CEP83: variants seen among roughly 807,000 people sequenced by gnomAD.
CEP83 encodes the protein centrosomal protein 83.
A neutral mutation model predicts 101.9 loss-of-function variants in CEP83; 70 were observed. The ratio of observed to expected loss-of-function variants is 0.69; its 90% CI spans 0.57 to 0.84. The LOEUF (loss-of-function observed/expected upper bound fraction) is 0.84. Among genes scored for constraint, CEP83 ranks in the 40% least tolerant of loss-of-function variants. The pLI is 0.00. For missense variants in CEP83, 715 were observed against 787.2 expected, an observed-to-expected ratio of 0.91 and a Z score of 1.10; for synonymous variants, 264 against 267.9, an observed-to-expected ratio of 0.99 and a Z score of 0.14.
At chr12:94,378,244 G>GC (rs2061654554) in intron 7 of CEP83, among the ~76,000 whole-genome samples, 2 of 152,186 alleles carry the variant, frequency 1.3e-5, no homozygotes, top group African/African-American at 4.8e-5. Flanking sequence ...ATACCCGTAG[G>GC]AGTACCAGTC....
At chr12:94,369,878 G>T in intron 9 of CEP83, 44 bp downstream of exon 9, 1 of 1,004,486 alleles carries the variant, frequency 1.0e-6, no homozygotes, top group Non-Finnish European at 1.5e-6. Flanking sequence ...GTTCATATCT[G>T]AAAATAAGCA....
chr12:94,345,880 A>T (rs760833729), intron 11 of CEP83, among the ~76,000 whole-genome samples: 1 of 152,176 alleles, frequency 6.6e-6, no homozygotes, highest in Admixed American at 6.5e-5. Context: ...AAGTCTCCAA[A>T]AAAGACTCAA....
At chr12:94,385,417 G>T (rs535873225) in intron 6 of CEP83, among the ~76,000 whole-genome samples, 47 of 152,254 alleles carry the variant, frequency 3.1e-4, no homozygotes, top group African/African-American at 1.1e-3. Flanking sequence ...ACTGCCAGTT[G>T]AGAGTGGATG....
the CEP83 span, among the ~76,000 whole-genome samples, chr12:94,276,151 T>C: frequency 6.6e-6 from 1 of 152,210 alleles, no homozygotes; most frequent in African/African-American, 2.4e-5. Context: ...TAGGTAGTAA[T>C]AGAATGCTGT....
rs181671638 is a variant in CEP83, at chr12:94,452,708, T to C, written c.-155+6849A>G. On this transcript the variant is annotated intron_variant, in intron 1 of 16. Coordinates refer to ENST00000397809, the MANE Select transcript of CEP83 (RefSeq NM_016122.3). ...GAAAAGGCAGGAATTTTGGTGGATC[T>C]TGAAGGATGAAAGAATATGACGGGG... is the stretch of plus-strand genomic sequence containing the variant. Among the ~76,000 whole-genome samples the C allele has an allele frequency of 8.3e-4, 126 of 152,286 alleles. 1 individual carries two copies. Among genetic ancestry groups the C allele is most frequent in the Admixed American group, 2.0e-3 (30 of 15,302 alleles).
Position 94,412,516 on chromosome 12 carries a change from C to T in CEP83, c.-26G>A. ...GTAAAAATAAGTTTTGGCTTTCTTACTGTTTTAGTTTTCTTTCCAAGGGTA... is the reference window on the plus strand; with the variant it reads ...GTAAAAATAAGTTTTGGCTTTCTTATTGTTTTAGTTTTCTTTCCAAGGGTA... On this transcript the variant is annotated 5_prime_UTR_variant, in exon 3 of 17. Transcript: ENST00000397809. The T allele has an allele frequency of 3.1e-6, 5 of 1,604,862 alleles. No individual in the cohort carries two copies. The highest frequency in any genetic ancestry group is 4.3e-6 in the Non-Finnish European group (5 of 1,175,968).
intron 1 of CEP83, among the ~76,000 whole-genome samples, chr12:94,458,129 G>C (rs774690531): frequency 2.6e-5 from 4 of 151,588 alleles, no homozygotes; most frequent in Admixed American, 6.6e-5. Flanking sequence ...ACTGGGAGGC[G>C]GAAGTTGCAG....
At chr12:94,363,170 C>A (rs189909617) in intron 11 of CEP83, among the ~76,000 whole-genome samples, 1 of 152,110 alleles carries the variant, frequency 6.6e-6, no homozygotes, top group South Asian at 2.1e-4. Flanking sequence ...CTAGAAGAGA[C>A]GATTTTGAAT....
intron 6 of CEP83, among the ~76,000 whole-genome samples, chr12:94,393,146 T>C (rs2062664638): frequency 6.6e-6 from 1 of 152,202 alleles, no homozygotes; most frequent in South Asian, 2.1e-4. Context: ...ATCATCCTGA[T>C]ACCAAAGCCT....
chr12:94,289,636 C>G, the CEP83 span, among the ~76,000 whole-genome samples: 1 of 152,218 alleles, frequency 6.6e-6, no homozygotes, highest in Non-Finnish European at 1.5e-5. Context: ...CTTTTTAACA[C>G]TCTGCATTCC....
At chr12:94,331,555 G>C (rs1245393973) in intron 14 of CEP83, 145 bp downstream of exon 14, 2 of 645,654 alleles carry the variant, frequency 3.1e-6, no homozygotes, top group Non-Finnish European at 5.2e-6. Context: ...TTTTTCAGTA[G>C]AGATGGGGTT....
Position 94,395,013 on chromosome 12 carries a change from A to C in CEP83, c.549+5837T>G, listed in dbSNP as rs534367050. On this transcript the variant is annotated intron_variant, in intron 6 of 16. Coordinates refer to ENST00000397809, the MANE Select transcript of CEP83 (RefSeq NM_016122.3). ...ATGTAGAGAAATAGGAATGCTTTAC[A>C]CTGTTGGTGGGAGTGTAAATTAGTT... 1.7e-4 allele frequency among the ~76,000 whole-genome samples: 26 copies of C among 152,342 alleles called. No individual in the cohort carries two copies. The South Asian group carries it at 5.4e-3, about 32-fold the overall frequency.
At chr12:94,325,914 T>C (rs78877521) in intron 14 of CEP83, among the ~76,000 whole-genome samples, 1,546 of 152,294 alleles carry the variant, frequency 0.01, 12 homozygotes, top group Non-Finnish European at 0.014. Context: ...CTAAGACCTA[T>C]GGAATTGTAT....
intron 11 of CEP83, among the ~76,000 whole-genome samples, chr12:94,355,603 A>G (rs188633850): frequency 5.2e-5 from 8 of 152,382 alleles, no homozygotes; most frequent in Admixed American, 5.2e-4. Context: ...CAAGCCCCCC[A>G]AAGTCTGGCC....
At chr12:94,441,204 A>G (rs1210085353) in intron 1 of CEP83, among the ~76,000 whole-genome samples, 1 of 152,268 alleles carries the variant, frequency 6.6e-6, no homozygotes, top group Non-Finnish European at 1.5e-5. Context: ...GCTTCTGCAC[A>G]GCAAAAGAAA....
At chr12:94,392,674 C>T (rs1253388393) in intron 6 of CEP83, among the ~76,000 whole-genome samples, 1 of 152,014 alleles carries the variant, frequency 6.6e-6, no homozygotes. Flanking sequence ...ACACAAAGAA[C>T]CCTTCAAAAA....
the CEP83 span, chr12:94,298,785 A>AAAAC: frequency 6.2e-7 from 1 of 1,610,630 alleles, no homozygotes; most frequent in Non-Finnish European, 8.5e-7. Context: ...ACATATTTGG[A>AAAAC]AAACAAACAG....
chr12:94,383,566 C>G (rs1188436827), intron 6 of CEP83, among the ~76,000 whole-genome samples: 1 of 150,336 alleles, frequency 6.7e-6, no homozygotes. Flanking sequence ...ACTGTCAGTA[C>G]AGTTAGGTCA....
chr12:94,310,318 C>G (rs2136278583), intron 15 of CEP83, among the ~76,000 whole-genome samples: 1 of 152,186 alleles, frequency 6.6e-6, no homozygotes. Context: ...ACTATCAACT[C>G]ATTATAAAGT....
Sources: gnomAD v4.1 joint callset for allele counts (sites outside exome capture counted in the v4.1 genomes callset) on GRCh38, gnomAD v4.1.1 for gene constraint, MANE v1.5 for transcripts, NCBI Gene and HGNC (gene_info 2026-07-23, HGNC 2026-07-21) for gene names.